Variants in CACNG1 observed in about 807,000 individuals in gnomAD.
CACNG1 encodes voltage-dependent calcium channel gamma-1 subunit.
CACNG1 carries 21 observed loss-of-function variants against 22.0 expected under a neutral mutation model. The ratio of observed to expected loss-of-function variants is 0.95; its 90% CI spans 0.68 to 1.37. The LOEUF is 1.37. Among genes scored for constraint, CACNG1 ranks in the 40% most tolerant of loss-of-function variants. The pLI, the probability that CACNG1 is intolerant of heterozygous loss-of-function variation, is 0.00. For synonymous variants in CACNG1, 127 were observed against 129.2 expected (o/e 0.98, Z 0.12); for missense variants, 291 against 308.6 (o/e 0.94, Z 0.43).
chr17:67,055,970 C>T lies in CACNG1; in HGVS notation c.443-75C>T. On this transcript the variant is annotated intron_variant, in intron 3 of 3. Transcript: ENST00000226021. The surrounding 1 kb of genome is among the most constrained non-coding windows in gnomAD (Gnocchi z 4.5). ...AGGCAAGGTCACCGCCTCCTCCATG[C>T]ACACAGGCTGGGATGGGGCTGGTGG... The T allele has an allele frequency of 1.6e-6, 2 of 1,249,240 alleles. No homozygotes were observed. The highest frequency in any genetic ancestry group is 2.3e-6 in the Non-Finnish European group (2 of 871,914). 77.4% of individuals were successfully genotyped at this position (1,249,240 alleles called of 1,614,324 possible). A position where few individuals can be genotyped will look rare whatever the true frequency, so the allele number is the denominator to read the frequency against.
chr17:67,048,144 A>G (rs2035707407), intron 1 of CACNG1, among the ~76,000 whole-genome samples: 1 of 152,164 alleles, frequency 6.6e-6, no homozygotes, highest in African/African-American at 2.4e-5. Flanking sequence ...AGAAGGGGGA[A>G]CAACTGATTT....
At position 67,044,867 on chromosome 17, in the gene CACNG1, C is replaced by T. The variant is rs746008806; in HGVS notation, c.207C>T (p.Cys69=). ...TCCCCATGGACGACAGCAAGACCTG[C>T]GGGCCCATCACCCTGCCCGGGGGTA... ...KRIPMDDSKT[C]GPITLPGEKN... Residue 69 remains cysteine, a synonymous_variant, in exon 1 of 4, where the codon TGC becomes TGT. Transcript: ENST00000226021. The surrounding 1 kb of genome is among the most constrained non-coding windows in gnomAD (Gnocchi z 6.9). The T allele has an allele frequency of 8.1e-6, 13 of 1,612,854 alleles. No homozygotes were observed. The highest frequency in any genetic ancestry group is 2.2e-5 in the East Asian group (1 of 44,880).
rs2035757316 is a variant in CACNG1 at position 67,055,696 on chromosome 17, T to A, written c.443-349T>A. ...CGTGCACCACCACACCTGGCTAATT[T>A]TTCATTGTATTTTAATTTTTTGTAG... On this transcript the variant is annotated intron_variant, in intron 3 of 3. Transcript: ENST00000226021. This position sits in a 1 kb window ranked among gnomAD's most constrained non-coding sequence, Gnocchi z 4.5. 6.6e-6 allele frequency among the ~76,000 whole-genome samples: 1 copy of A among 151,588 alleles called. No homozygotes were observed. Among genetic ancestry groups the A allele is most frequent in the African/African-American group, 2.4e-5 (1 of 41,224 alleles).
chr17:67,044,716 G>A lies in CACNG1; in HGVS notation c.56G>A (p.Gly19Asp), dbSNP rs1330757638. 6.2e-7 allele frequency: 1 copy of A among 1,611,762 alleles called. No individual in the cohort carries two copies. ...VRVTLFCILA[G>D]IVLAMTAVVT... is the part of the protein sequence containing the mutation. ...GTGACCCTCTTCTGCATCCTGGCAG[G>A]CATCGTGCTGGCCATGACAGCCGTG... The change falls in exon 1 of 4, where the codon GGC (glycine) becomes GAC (aspartate). Residue 19 changes from glycine to aspartate, a missense_variant. By Grantham distance (94) the Gly-to-Asp change is moderately conservative. Coordinates refer to ENST00000226021, the MANE Select transcript of CACNG1 (RefSeq NM_000727.4). The surrounding 1 kb of genome is among the most constrained non-coding windows in gnomAD (Gnocchi z 6.9).
chr17:67,045,959 C>G (rs539304164), intron 1 of CACNG1, among the ~76,000 whole-genome samples: 1 of 152,338 alleles, frequency 6.6e-6, no homozygotes, highest in South Asian at 2.1e-4. Flanking sequence ...CCGAACCACA[C>G]GTTGAAGGTA....
rs3785578 is a variant in CACNG1 at position 67,050,888 on chromosome 17, G to A, written c.230-3108G>A. On this transcript the variant is annotated intron_variant, in intron 1 of 3. Coordinates refer to ENST00000226021, the MANE Select transcript of CACNG1 (RefSeq NM_000727.4). ...AAACCGCTGAGTCTTACAGAAATAA[G>A]GAGATTAAAATCAGCATAAGCCATC... Among the ~76,000 whole-genome samples the A allele has an allele frequency of 5.1e-3, 778 of 152,288 alleles. 48 individuals carry two copies. In the East Asian group the frequency reaches 0.12, roughly 23 times the overall value.
chr17:67,054,221 C>A lies in CACNG1; in HGVS notation c.304+151C>A. 1.5e-6 allele frequency: 1 copy of A among 666,274 alleles called. No individual in the cohort carries two copies. Among genetic ancestry groups the A allele is most frequent in the East Asian group, 2.8e-5 (1 of 36,028 alleles). The allele number at this position is 666,274 out of a possible 1,614,324, so 41.3% of individuals were successfully genotyped here. Reference sequence around the variant, plus strand: ...CATTTGAACAACAGCCTTGTCAGCTCCCCGCTCCGGAGGCCCCAGGCAGCC... The same window carrying A: ...CATTTGAACAACAGCCTTGTCAGCTACCCGCTCCGGAGGCCCCAGGCAGCC... On this transcript the variant is annotated intron_variant, in intron 2 of 3. Coordinates refer to ENST00000226021, the MANE Select transcript of CACNG1 (RefSeq NM_000727.4). The surrounding 1 kb of genome is among the most constrained non-coding windows in gnomAD (Gnocchi z 4.6).
intron 1 of CACNG1, among the ~76,000 whole-genome samples, chr17:67,046,459 T>A (rs1287084563): frequency 1.3e-5 from 2 of 151,996 alleles, no homozygotes; most frequent in African/African-American, 4.8e-5. Context: ...GCTCCAGAGA[T>A]CCCCTCCCTT....
At chr17:67,050,197 C>T (rs530421280) in intron 1 of CACNG1, among the ~76,000 whole-genome samples, 40 of 152,318 alleles carry the variant, frequency 2.6e-4, no homozygotes, top group African/African-American at 9.6e-4. Flanking sequence ...TCTCTCAGTG[C>T]GGGAACTGGG....
At chr17:67,049,368 T>C (rs1461562834) in intron 1 of CACNG1, among the ~76,000 whole-genome samples, 1 of 152,204 alleles carries the variant, frequency 6.6e-6, no homozygotes, top group Non-Finnish European at 1.5e-5. Flanking sequence ...AGAGTTGAGA[T>C]ATTTGACAAG....
Position 67,054,906 on chromosome 17 carries a change from CACAG to C in CACNG1, c.305-193_305-190del, listed in dbSNP as rs781438174. On this transcript the variant is annotated intron_variant, in intron 2 of 3. Transcript: ENST00000226021. The surrounding 1 kb of genome is among the most constrained non-coding windows in gnomAD (Gnocchi z 4.6). The stretch of plus-strand genomic sequence containing the variant: ...CATATGCATGACACACAATGACACA[CACAG>C]ACACTGACACACACACAGATACACA... Among the ~76,000 whole-genome samples, 1,203 of 149,006 alleles carry C rather than the reference CACAG, an allele frequency of 8.1e-3. 15 individuals carry two copies. The highest frequency in any genetic ancestry group is 0.029 in the African/African-American group (1,117 of 38,724).
chr17:67,050,209 T>C (rs79643624), intron 1 of CACNG1, among the ~76,000 whole-genome samples: 2,453 of 152,286 alleles, frequency 0.016, 58 homozygotes, highest in African/African-American at 0.052. Flanking sequence ...GGAACTGGGA[T>C]TGTATAAAAG....
intron 1 of CACNG1, among the ~76,000 whole-genome samples, chr17:67,049,325 C>A (rs988222179): frequency 4.6e-5 from 7 of 152,138 alleles, no homozygotes; most frequent in Non-Finnish European, 7.4e-5. Context: ...TTATCATCAT[C>A]CCAATCTTAC....
intron 1 of CACNG1, among the ~76,000 whole-genome samples, chr17:67,052,931 C>T (rs544942931): frequency 1.0e-3 from 157 of 152,146 alleles, no homozygotes; most frequent in African/African-American, 3.7e-3. Flanking sequence ...TGAGCCACCA[C>T]GCCCGGCCTG....
chr17:67,056,564 A>T lies in CACNG1; in HGVS notation c.*293A>T, dbSNP rs374852027. The T allele has an allele frequency of 5.7e-5, 27 of 469,702 alleles. No homozygotes were observed. Among genetic ancestry groups the T allele is most frequent in the Middle Eastern group, 5.9e-4 (1 of 1,686 alleles). 29.1% of individuals were successfully genotyped at this position (469,702 alleles called of 1,614,324 possible). A position where few individuals can be genotyped will look rare whatever the true frequency, so the allele number is the denominator to read the frequency against. ...TCCCCTGGAGCTCAGAGGTGTCCCC[A>T]CTGTACCAGCCTCTGATAAGCTGCC... is the stretch of plus-strand genomic sequence containing the variant. On this transcript the variant is annotated 3_prime_UTR_variant, in exon 4 of 4. Transcript: ENST00000226021. The surrounding 1 kb of genome is among the most constrained non-coding windows in gnomAD (Gnocchi z 4.3).
chr17:67,052,736 G>A (rs79321384), intron 1 of CACNG1, among the ~76,000 whole-genome samples: 3,760 of 150,860 alleles, frequency 0.025, 71 homozygotes, highest in Non-Finnish European at 0.037. Context: ...CCTAAATCAA[G>A]AGCAAAGAAG....
intron 1 of CACNG1, among the ~76,000 whole-genome samples, chr17:67,052,889 C>T (rs919032272): frequency 6.6e-6 from 1 of 152,068 alleles, no homozygotes; most frequent in Non-Finnish European, 1.5e-5. Flanking sequence ...ATTCTCCTGC[C>T]TCAGCCTTCT....
At chr17:67,048,124 C>T (rs1363787003) in intron 1 of CACNG1, among the ~76,000 whole-genome samples, 1 of 152,020 alleles carries the variant, frequency 6.6e-6, no homozygotes, top group Non-Finnish European at 1.5e-5. Context: ...ACAACGGGAA[C>T]AAATCTTCAA....
chr17:67,049,871 T>C (rs892318034), intron 1 of CACNG1, among the ~76,000 whole-genome samples: 3 of 152,206 alleles, frequency 2.0e-5, no homozygotes, highest in Non-Finnish European at 4.4e-5. Context: ...CTTAAAATGT[T>C]GGAGGCTCAG....
Sources: allele counts gnomAD v4.1 joint callset (sites outside exome capture counted in the v4.1 genomes callset), GRCh38; gene constraint gnomAD v4.1.1; non-coding constraint Gnocchi (gnomAD v3.1); transcripts MANE v1.5; gene names NCBI Gene and HGNC (gene_info 2026-07-23, HGNC 2026-07-21).